Variants in ARK2C observed in about 807,000 individuals in gnomAD.
ARK2C encodes E3 ubiquitin-protein ligase ARK2C.
chr18:46,376,906 G>A, the ARK2C span, among the ~76,000 whole-genome samples: 106 of 152,144 alleles, frequency 7.0e-4, 2 homozygotes, highest in South Asian at 0.02. Flanking sequence ...CTGATCTCGC[G>A]ATCTGCCCGC....
At chr18:46,375,834 T>TCAAACAACTGGAGGTTGATCAGGGTTCC in the ARK2C span, among the ~76,000 whole-genome samples, 1 of 152,118 alleles carries the variant, frequency 6.6e-6, no homozygotes, top group Non-Finnish European at 1.5e-5. Context: ...TCTGCTTACA[T>TCAAACAACTGGAGGTTGATCAGGGTTCC]CAAACAACTG....
the ARK2C span, among the ~76,000 whole-genome samples, chr18:46,347,928 C>T: frequency 6.6e-6 from 1 of 152,100 alleles, no homozygotes; most frequent in East Asian, 1.9e-4. Context: ...AGGCCCCGTG[C>T]AGGCATGGGG....
chr18:46,338,747 G>A, the ARK2C span, among the ~76,000 whole-genome samples: 1 of 152,268 alleles, frequency 6.6e-6, no homozygotes, highest in African/African-American at 2.4e-5. Context: ...GCTAAATGAG[G>A]CATTTTAGAC....
the ARK2C span, among the ~76,000 whole-genome samples, chr18:46,446,277 A>G: frequency 5.3e-5 from 8 of 152,218 alleles, no homozygotes; most frequent in African/African-American, 7.2e-5. Context: ...TTATTAGCTG[A>G]AAAACTTTTA....
chr18:46,400,443 C>T, the ARK2C span, among the ~76,000 whole-genome samples: 3 of 152,166 alleles, frequency 2.0e-5, no homozygotes, highest in African/African-American at 7.2e-5. Context: ...CCATTATGGC[C>T]CCTGTCACCT....
At chr18:46,372,305 C>G in the ARK2C span, among the ~76,000 whole-genome samples, 1 of 152,146 alleles carries the variant, frequency 6.6e-6, no homozygotes, top group African/African-American at 2.4e-5. Context: ...ATCCAGCCAC[C>G]CACTTGCTGT....
At chr18:46,412,105 C>G in the ARK2C span, among the ~76,000 whole-genome samples, 1 of 151,980 alleles carries the variant, frequency 6.6e-6, no homozygotes, top group Non-Finnish European at 1.5e-5. Context: ...CGGGAGACAA[C>G]GGCTCATCTC....
chr18:46,393,615 G>A, the ARK2C span, among the ~76,000 whole-genome samples: 1 of 152,116 alleles, frequency 6.6e-6, no homozygotes, highest in Non-Finnish European at 1.5e-5. Context: ...AGACCACTAA[G>A]GTCTAAGGTC....
At chr18:46,337,543 T>TG in the ARK2C span, 1 of 985,360 alleles carries the variant, frequency 1.0e-6, no homozygotes, top group Non-Finnish European at 1.2e-6. Flanking sequence ...CGAAGCATGG[T>TG]GGGCCCAGCC....
the ARK2C span, among the ~76,000 whole-genome samples, chr18:46,397,921 G>C: frequency 6.7e-6 from 1 of 148,190 alleles, no homozygotes; most frequent in African/African-American, 2.5e-5. Flanking sequence ...TGTGGTGTGT[G>C]TGTGATGATG....
chr18:46,380,006 C>A, the ARK2C span, among the ~76,000 whole-genome samples: 1 of 152,210 alleles, frequency 6.6e-6, no homozygotes, highest in African/African-American at 2.4e-5. Flanking sequence ...GCAGAGGCCA[C>A]CCCACCCCCA....
chr18:46,354,454 C>T, the ARK2C span, among the ~76,000 whole-genome samples: 1 of 152,252 alleles, frequency 6.6e-6, no homozygotes, highest in African/African-American at 2.4e-5. Context: ...GATCAGGGCC[C>T]ATAGGCGCCC....
At chr18:46,377,918 G>A in the ARK2C span, among the ~76,000 whole-genome samples, 1 of 152,096 alleles carries the variant, frequency 6.6e-6, no homozygotes, top group South Asian at 2.1e-4. Context: ...AAACATCCAA[G>A]AAGAAGTTCT....
the ARK2C span, chr18:46,337,468 C>T: frequency 3.0e-6 from 3 of 985,284 alleles, no homozygotes; most frequent in African/African-American, 5.2e-5. Context: ...CCTGCTGAAA[C>T]GTACTGTGGT....
At chr18:46,424,854 G>T in the ARK2C span, among the ~76,000 whole-genome samples, 1 of 152,218 alleles carries the variant, frequency 6.6e-6, no homozygotes, top group African/African-American at 2.4e-5. Context: ...AAGACTTCTT[G>T]GTAGTGATGC....
At chr18:46,365,172 T>C in the ARK2C span, among the ~76,000 whole-genome samples, 1 of 152,180 alleles carries the variant, frequency 6.6e-6, no homozygotes, top group Admixed American at 6.5e-5. Flanking sequence ...AGTTGCTCTT[T>C]GGAACTTAAC....
the ARK2C span, among the ~76,000 whole-genome samples, chr18:46,409,557 G>A: frequency 6.6e-6 from 1 of 151,930 alleles, no homozygotes; most frequent in Non-Finnish European, 1.5e-5. Context: ...CTAAGAGGCT[G>A]TGGGCTCCTG....
the ARK2C span, chr18:46,447,571 G>A: frequency 6.2e-7 from 1 of 1,614,070 alleles, no homozygotes; most frequent in Non-Finnish European, 8.5e-7. Flanking sequence ...AGGGATCTCA[G>A]TGTGGATGCT....
chr18:46,416,407 C>T, the ARK2C span, among the ~76,000 whole-genome samples: 4 of 152,228 alleles, frequency 2.6e-5, no homozygotes, highest in Non-Finnish European at 4.4e-5. Flanking sequence ...ACCCAGATTG[C>T]ATCCAGCCCT....
Sources: gnomAD v4.1 joint callset for allele counts (sites outside exome capture counted in the v4.1 genomes callset) on GRCh38, gnomAD v4.1.1 for gene constraint, MANE v1.5 for transcripts, NCBI Gene and HGNC (gene_info 2026-07-23, HGNC 2026-07-21) for gene names.